Variants in CYP4A11 observed in about 807,000 individuals in gnomAD.
The protein encoded by CYP4A11 is cytochrome P450 family 4 subfamily A member 11.
Under a neutral mutation model 57.7 loss-of-function variants are expected in CYP4A11, and 52 were observed. The ratio of observed to expected loss-of-function variants is 0.90; its 90% CI spans 0.72 to 1.14. The LOEUF (loss-of-function observed/expected upper bound fraction) is 1.14, where lower values mean the gene tolerates loss of function less well. Ranked by LOEUF, CYP4A11 falls within the 50% of genes most tolerant of loss-of-function variation. The pLI, the probability that CYP4A11 is intolerant of heterozygous loss-of-function variation, is 0.00. For missense variants in CYP4A11, 641 were observed against 642.1 expected, an observed-to-expected ratio of 1.00 and a Z score of 0.02; for synonymous variants, 228 against 247.1, an observed-to-expected ratio of 0.92 and a Z score of 0.72.
In CYP4A11 at chr1:46,933,082, T is replaced by G. The variant is rs556222661; in HGVS notation, c.1223-35A>C. 14 of 1,612,998 alleles carry G rather than the reference T, an allele frequency of 8.7e-6. No individual in the cohort carries two copies. The Middle Eastern group carries it at 5.0e-4, about 57-fold the overall frequency. On this transcript the variant is annotated intron_variant, in intron 9 of 11. Coordinates refer to ENST00000310638, the MANE Select transcript of CYP4A11 (RefSeq NM_000778.4). ...AGGTTGGAAACAGAGAGAAGACCAATCATTTGCATGGGGTGGCCTGGTACT... is the reference window on the plus strand; with the variant it reads ...AGGTTGGAAACAGAGAGAAGACCAAGCATTTGCATGGGGTGGCCTGGTACT...
rs749702088 is a variant in CYP4A11, at chr1:46,930,254, G to A, written c.1421C>T (p.Thr474Ile). The part of the protein sequence containing the change: ...MNELKVATAL[T>I]LLRFELLPDP... Reference sequence around the variant, plus strand: ...AGGCAGCAGCTCAAAGCGGAGCAGGGTCAGGGCCGTGGCCACCTTCAGCTC... The same window carrying A: ...AGGCAGCAGCTCAAAGCGGAGCAGGATCAGGGCCGTGGCCACCTTCAGCTC... Residue 474 changes from threonine to isoleucine, a missense_variant, in exon 12 of 12, where the codon ACC (threonine) becomes ATC (isoleucine). Transcript: ENST00000310638. The A allele has an allele frequency of 6.2e-7, 1 of 1,614,088 alleles. No homozygotes were observed.
At chr1:46,930,359 C>G (rs1395475616) in intron 11 of CYP4A11, 49 bp from the exon 12 acceptor site, 6 of 1,562,026 alleles carry the variant, frequency 3.8e-6, no homozygotes, top group Non-Finnish European at 5.2e-6. Flanking sequence ...AGGCCCCATT[C>G]TGATCTGAGC....
intron 11 of CYP4A11, chr1:46,931,679 G>A: frequency 1.5e-6 from 1 of 677,592 alleles, no homozygotes; most frequent in Non-Finnish European, 1.8e-6. Context: ...ACTTTCTCAT[G>A]CTGGGATAGA....
intron 4 of CYP4A11, among the ~76,000 whole-genome samples, chr1:46,935,860 T>C (rs1045002109): frequency 2.6e-5 from 4 of 152,266 alleles, no homozygotes; most frequent in Non-Finnish European, 4.4e-5. Flanking sequence ...CACACACTTT[T>C]AATACAACAT....
intron 5 of CYP4A11, 118 bp from the exon 6 acceptor site, chr1:46,935,272 T>C (rs922024489): frequency 1.6e-5 from 21 of 1,292,314 alleles, no homozygotes; most frequent in Non-Finnish European, 2.3e-5. Flanking sequence ...GAGGCAATGT[T>C]TCTTCTATCT....
At chr1:46,937,180 G>A in intron 3 of CYP4A11, 122 bp downstream of exon 3, 2 of 1,218,404 alleles carry the variant, frequency 1.6e-6, no homozygotes. Context: ...AGAAGGAAGT[G>A]AGGCTTGATT....
At chr1:46,935,473 A>C (rs1446707601) in intron 5 of CYP4A11, 50 bp downstream of exon 5, 1 of 1,555,728 alleles carries the variant, frequency 6.4e-7, no homozygotes, top group African/African-American at 1.4e-5. Flanking sequence ...AGGTATGTGC[A>C]CTCCACTTGA....
At chr1:46,936,939 TG>T (rs1681442962) in intron 3 of CYP4A11, 148 bp from the exon 4 acceptor site, 1 of 1,412,254 alleles carries the variant, frequency 7.1e-7, no homozygotes, top group African/African-American at 1.4e-5. Flanking sequence ...AGCCACGTCA[TG>T]GGCAAATGCA....
chr1:46,932,897 G>A (rs1681114074), intron 10 of CYP4A11, 60 bp from the exon 11 acceptor site: 8 of 1,614,108 alleles, frequency 5.0e-6, no homozygotes, highest in Admixed American at 1.7e-5. Context: ...TGCCACCCAT[G>A]GGGGACAGGA....
At chr1:46,932,311 T>C in intron 11 of CYP4A11, 1 of 1,035,256 alleles carries the variant, frequency 9.7e-7, no homozygotes, top group Non-Finnish European at 1.2e-6. Context: ...GATTCATCTC[T>C]ACGACAGACT....
In CYP4A11 at chr1:46,935,108, C is replaced by A. The variant is rs753851320; in HGVS notation, c.682G>T (p.Val228Phe). The A allele has an allele frequency of 3.7e-6, 6 of 1,614,150 alleles. No individual in the cohort carries two copies. Among genetic ancestry groups the A allele is most frequent in the Middle Eastern group, 3.3e-4 (2 of 6,062 alleles). ...IQAISDLNNLVFSRVRNAFHQ... is the reference protein window; with the variant it reads ...IQAISDLNNLFFSRVRNAFHQ... ...AAGGCATTCCTCACACGGGAAAAAA[C>A]CAGGTTGTTCAGGTCACTAATGGCC... The change falls in exon 6 of 12, where the codon GTT (valine) becomes TTT (phenylalanine). Residue 228 changes from valine to phenylalanine, a missense_variant. Val to Phe is a conservative substitution (Grantham distance 50). Transcript: ENST00000310638.
At chr1:46,937,868 G>C in intron 2 of CYP4A11, 128 bp downstream of exon 2, 1 of 1,391,868 alleles carries the variant, frequency 7.2e-7, no homozygotes, top group Non-Finnish European at 9.7e-7. Context: ...TGGTGGGCTT[G>C]GTGGATGCGT....
At chr1:46,931,142 G>T (rs1159712884) in intron 11 of CYP4A11, among the ~76,000 whole-genome samples, 2 of 152,130 alleles carry the variant, frequency 1.3e-5, no homozygotes, top group Non-Finnish European at 2.9e-5. Flanking sequence ...TACCTGTCCA[G>T]CCCACGTCCT....
At chr1:46,930,404 C>G in intron 11 of CYP4A11, 94 bp from the exon 12 acceptor site, 2 of 1,374,910 alleles carry the variant, frequency 1.5e-6, no homozygotes, top group Non-Finnish European at 2.0e-6. Context: ...CTGAGCTGGA[C>G]ATTCAGTGCC....
chr1:46,934,206 C>T lies in CYP4A11; in HGVS notation c.1058G>A (p.Ser353Asn), dbSNP rs751551682. 12 of 1,613,952 alleles carry T rather than the reference C, an allele frequency of 7.4e-6. No homozygotes were observed. The highest frequency in any genetic ancestry group is 1.0e-5 in the Non-Finnish European group (12 of 1,179,908). Residue 353 changes from serine (S) to asparagine (N), a missense_variant, in exon 8 of 12, where the codon AGC becomes AAC. Transcript: ENST00000310638. ...HQERCREEIH[S>N]LLGDGASITW... is the part of the protein sequence containing the mutation. ...GATGGAGGCTCCATCACCCAGGAGG[C>T]TGTGGATCTCCTCCCGGCACCTCTC...
rs749291376 is a variant in CYP4A11 at position 46,941,407 on chromosome 1, G to T, written c.27C>A (p.Ser9Arg). MSVSVLSP[S>R]RLLGDVSGIL... ...TTCCAGAGACATCACCCAGGAGTCTGCTGGGGCTCAGCACAGAGACACTCA... is the reference window on the plus strand; with the variant it reads ...TTCCAGAGACATCACCCAGGAGTCTTCTGGGGCTCAGCACAGAGACACTCA... The change falls in exon 1 of 12, where the codon AGC becomes AGA. Residue 9 changes from serine (S) to arginine (R), a missense_variant. Coordinates refer to ENST00000310638, the MANE Select transcript of CYP4A11 (RefSeq NM_000778.4). 1 of 1,614,134 alleles carries T rather than the reference G, an allele frequency of 6.2e-7. No individual in the cohort carries two copies. Among genetic ancestry groups the T allele is most frequent in the East Asian group, 2.2e-5 (1 of 44,856 alleles).
intron 1 of CYP4A11, 195 bp downstream of exon 1, chr1:46,941,044 C>G (rs1681717712): frequency 2.1e-6 from 2 of 970,768 alleles, no homozygotes; most frequent in Non-Finnish European, 2.4e-6. Context: ...GAGCTGAGGA[C>G]CAGCAGGATG....
At chr1:46,931,708 G>A (rs1363709901) in intron 11 of CYP4A11, 1 of 657,188 alleles carries the variant, frequency 1.5e-6, no homozygotes, top group African/African-American at 2.0e-5. Flanking sequence ...TGCTGGAGAA[G>A]GAGTTTCAGG....
chr1:46,933,815 AG>A, intron 9 of CYP4A11, 130 bp downstream of exon 9: 1 of 1,402,628 alleles, frequency 7.1e-7, no homozygotes, highest in South Asian at 1.5e-5. Context: ...CCAAGTACAA[AG>A]TATGTTTTTG....
Sources: gnomAD v4.1 joint callset for allele counts (sites outside exome capture counted in the v4.1 genomes callset) on GRCh38, gnomAD v4.1.1 for gene constraint, MANE v1.5 for transcripts, NCBI Gene and HGNC (gene_info 2026-07-23, HGNC 2026-07-21) for gene names.